DISC1: variants seen among roughly 807,000 people sequenced by gnomAD.
DISC1 encodes DISC1 scaffold protein, also known as disrupted in schizophrenia 1 protein.
A neutral mutation model predicts 84.5 loss-of-function variants in DISC1; 57 were observed. That is an observed-to-expected ratio of 0.67 (90% CI 0.55 to 0.84). The LOEUF (loss-of-function observed/expected upper bound fraction) is 0.84. Ranked by LOEUF, DISC1 falls within the 40% of genes least tolerant of loss-of-function variation. The pLI, the probability that DISC1 is intolerant of heterozygous loss-of-function variation, is 0.00. For missense variants in DISC1, 1,000 were observed against 1,057.8 expected, an observed-to-expected ratio of 0.95 and a Z score of 0.76; for synonymous variants, 411 against 415.2, an observed-to-expected ratio of 0.99 and a Z score of 0.12.
chr1:231,665,854 CAG>C (rs1364355843), intron 1 of DISC1, among the ~76,000 whole-genome samples: 1 of 152,180 alleles, frequency 6.6e-6, no homozygotes, highest in African/African-American at 2.4e-5. Context: ...ACTAGTTCTA[CAG>C]AGTTTCCTCT....
At chr1:231,843,788 T>C (rs979944027) in intron 9 of DISC1, among the ~76,000 whole-genome samples, 2 of 152,038 alleles carry the variant, frequency 1.3e-5, no homozygotes, top group African/African-American at 4.8e-5. Flanking sequence ...TTGGAAGAGA[T>C]TGTATGTCTC....
At chr1:231,869,609 G>A (rs2085309905) in intron 9 of DISC1, among the ~76,000 whole-genome samples, 1 of 151,700 alleles carries the variant, frequency 6.6e-6, no homozygotes, top group Non-Finnish European at 1.5e-5. Context: ...CAGAGAGGAA[G>A]CAAGAAAGAG....
intron 9 of DISC1, among the ~76,000 whole-genome samples, chr1:231,884,790 TA>T (rs2125989615): frequency 7.0e-6 from 1 of 143,128 alleles, no homozygotes; most frequent in East Asian, 2.0e-4. Flanking sequence ...GAACCTAAAA[TA>T]AAAGATGGAA....
intron 8 of DISC1, among the ~76,000 whole-genome samples, chr1:231,815,733 T>C (rs2080885939): frequency 9.4e-6 from 1 of 106,314 alleles, no homozygotes; most frequent in Non-Finnish European, 2.0e-5. Context: ...AACAAAACTC[T>C]GTCTCAAAAA....
At chr1:231,803,888 G>A (rs1006774078) in intron 8 of DISC1, among the ~76,000 whole-genome samples, 4 of 145,776 alleles carry the variant, frequency 2.7e-5, no homozygotes, top group South Asian at 2.2e-4. Context: ...CGGAGCTTGC[G>A]GTGAGCCCAT....
chr1:231,866,810 T>G, intron 9 of DISC1: 1 of 1,012,508 alleles, frequency 9.9e-7, no homozygotes, highest in Non-Finnish European at 1.3e-6. Context: ...TCATGATAGT[T>G]TCTTAATACG....
chr1:231,927,238 T>A (rs1282261655), intron 9 of DISC1, among the ~76,000 whole-genome samples: 1 of 152,242 alleles, frequency 6.6e-6, no homozygotes, highest in Non-Finnish European at 1.5e-5. Context: ...TATAGCCATG[T>A]ATTGGCTTAC....
At position 231,990,677 on chromosome 1, in the gene DISC1, T is replaced by G. The variant is rs543895183; in HGVS notation, c.2043-18108T>G. ...ACGTGTGGGCTTTCTTTGCCAGAAG[T>G]AGGCATGGCTTACATCTTTTGGGTT... is the stretch of plus-strand genomic sequence containing the variant. On this transcript the variant is annotated intron_variant, in intron 10 of 12. Transcript: ENST00000439617. 2.0e-5 allele frequency among the ~76,000 whole-genome samples: 3 copies of G among 152,292 alleles called. No homozygotes were observed. The South Asian group carries it at 6.2e-4, about 32-fold the overall frequency.
At chr1:232,008,128 T>C (rs1470864060) in intron 10 of DISC1, among the ~76,000 whole-genome samples, 1 of 152,174 alleles carries the variant, frequency 6.6e-6, no homozygotes, top group Non-Finnish European at 1.5e-5. Context: ...TGGGCAGTTC[T>C]TTTTAGCAGA....
intron 9 of DISC1, among the ~76,000 whole-genome samples, chr1:231,839,562 C>T (rs1192499169): frequency 1.3e-5 from 2 of 152,106 alleles, no homozygotes; most frequent in Non-Finnish European, 2.9e-5. Flanking sequence ...TCTGAAAGGT[C>T]GTGGCTAGCC....
At chr1:231,990,458 C>T (rs1212430993) in intron 10 of DISC1, among the ~76,000 whole-genome samples, 2 of 151,996 alleles carry the variant, frequency 1.3e-5, no homozygotes, top group Non-Finnish European at 2.9e-5. Flanking sequence ...GGTAGGAGAT[C>T]GGGGGTGATA....
In DISC1 at chr1:232,031,339, A is replaced by G. The variant is rs1670025856; in HGVS notation, c.2425+4787A>G. 6.6e-6 allele frequency among the ~76,000 whole-genome samples: 1 copy of G among 150,848 alleles called. No individual in the cohort carries two copies. The highest frequency in any genetic ancestry group is 2.4e-5 in the African/African-American group (1 of 40,986). Reference sequence around the variant, plus strand: ...AGGAGAGAAAAGGAAAGGAAAAGGAAAAGAGGAAAGAAAAGGAAAGGGAAG... The same window carrying G: ...AGGAGAGAAAAGGAAAGGAAAAGGAGAAGAGGAAAGAAAAGGAAAGGGAAG... On this transcript the variant is annotated intron_variant, in intron 12 of 12. Coordinates refer to ENST00000439617, the MANE Select transcript of DISC1 (RefSeq NM_018662.3). This position sits in a 1 kb window ranked among gnomAD's most constrained non-coding sequence, Gnocchi z 4.6.
At chr1:231,703,715 G>T (rs1329466852) in intron 3 of DISC1, among the ~76,000 whole-genome samples, 1 of 152,192 alleles carries the variant, frequency 6.6e-6, no homozygotes, top group African/African-American at 2.4e-5. Context: ...AGGGAATGGG[G>T]TTTGAGAGGA....
At chr1:231,712,739 C>T (rs2068040752) in intron 3 of DISC1, among the ~76,000 whole-genome samples, 1 of 152,210 alleles carries the variant, frequency 6.6e-6, no homozygotes. Context: ...GCATGTATCT[C>T]TGCTTAGCCT....
At chr1:232,001,787 G>GA (rs536009148) in intron 10 of DISC1, among the ~76,000 whole-genome samples, 6 of 149,758 alleles carry the variant, frequency 4.0e-5, no homozygotes, top group Non-Finnish European at 7.4e-5. Context: ...AAACTTTTAG[G>GA]AAAAAAAAAG....
At chr1:231,864,111 C>T (rs796755728) in intron 9 of DISC1, among the ~76,000 whole-genome samples, 2 of 152,200 alleles carry the variant, frequency 1.3e-5, no homozygotes, top group African/African-American at 2.4e-5. Flanking sequence ...AAACAGTTTT[C>T]GTCACACAAA....
intron 9 of DISC1, among the ~76,000 whole-genome samples, chr1:231,917,613 C>A (rs932166678): frequency 3.3e-5 from 5 of 152,172 alleles, no homozygotes; most frequent in African/African-American, 1.2e-4. Context: ...CAGTTCCTTC[C>A]TGCTCTGGAT....
At chr1:231,791,386 A>G (rs1434387974) in intron 6 of DISC1, among the ~76,000 whole-genome samples, 1 of 152,200 alleles carries the variant, frequency 6.6e-6, no homozygotes, top group Non-Finnish European at 1.5e-5. Context: ...CCCCTGGGAA[A>G]GTTACTTAAA....
intron 1 of DISC1, among the ~76,000 whole-genome samples, chr1:231,656,606 G>A (rs1003534923): frequency 1.3e-5 from 2 of 151,920 alleles, no homozygotes; most frequent in South Asian, 2.1e-4. Context: ...AGGATTGTTC[G>A]TTCTTTCTTT....
Sources: gnomAD v4.1 joint callset for allele counts (sites outside exome capture counted in the v4.1 genomes callset) on GRCh38, gnomAD v4.1.1 for gene constraint, Gnocchi (gnomAD v3.1) non-coding constraint, MANE v1.5 for transcripts, NCBI Gene and HGNC (gene_info 2026-07-23, HGNC 2026-07-21) for gene names.